Variants in DOCK2 observed in about 807,000 individuals in gnomAD.
DOCK2 encodes the protein dedicator of cytokinesis protein 2.
In DOCK2, 87 loss-of-function variants were observed where a neutral mutation model predicts 248.9. The observed-to-expected ratio is 0.35, with a 90% confidence interval of 0.29 to 0.42. DOCK2 has a LOEUF of 0.42. DOCK2 is among the 10% of genes least tolerant of loss of function. The probability of loss-of-function intolerance (pLI) is 1.00; values close to 1 mark genes in which losing one functional copy is unlikely to be tolerated. For missense variants in DOCK2, 1,747 were observed against 2,300.2 expected (o/e 0.76, Z 4.92); for synonymous variants, 805 against 821.6 (o/e 0.98, Z 0.35).
At chr5:169,844,807 G>A (rs1482095261) in intron 27 of DOCK2, among the ~76,000 whole-genome samples, 1 of 151,298 alleles carries the variant, frequency 6.6e-6, no homozygotes, top group African/African-American at 2.4e-5. Context: ...AGAGTTTAAG[G>A]CTTGTGCCTA....
intron 32 of DOCK2, among the ~76,000 whole-genome samples, chr5:170,009,716 A>G (rs1367479517): frequency 6.6e-6 from 1 of 152,028 alleles, no homozygotes; most frequent in Non-Finnish European, 1.5e-5. Context: ...ACCTCTTATT[A>G]TCTGCCAGTT....
chr5:169,856,675 C>G (rs184773929), intron 27 of DOCK2, among the ~76,000 whole-genome samples: 12 of 152,212 alleles, frequency 7.9e-5, no homozygotes, highest in African/African-American at 2.7e-4. Context: ...CTCCATCACC[C>G]ATCCGTGATT....
chr5:169,742,163 G>T (rs769537417), intron 22 of DOCK2, among the ~76,000 whole-genome samples: 3 of 152,048 alleles, frequency 2.0e-5, no homozygotes, highest in Non-Finnish European at 4.4e-5. Flanking sequence ...TGTAGTAAGT[G>T]CTCAGTAAAT....
chr5:170,082,678 A>C (rs1758075867), intron 51 of DOCK2, 118 bp from the exon 52 acceptor site: 1 of 1,287,852 alleles, frequency 7.8e-7, no homozygotes, highest in Non-Finnish European at 1.1e-6. Context: ...GCTCACATTC[A>C]CTGGGCTTTG....
At chr5:169,867,528 A>G (rs1353607253) in intron 27 of DOCK2, among the ~76,000 whole-genome samples, 1 of 151,676 alleles carries the variant, frequency 6.6e-6, no homozygotes, top group Non-Finnish European at 1.5e-5. Flanking sequence ...TCTATCATCT[A>G]TCATCTATCA....
At chr5:169,903,718 A>G (rs1774097842) in intron 27 of DOCK2, among the ~76,000 whole-genome samples, 2 of 152,122 alleles carry the variant, frequency 1.3e-5, no homozygotes, top group Non-Finnish European at 2.9e-5. Flanking sequence ...AAAAGAAGTA[A>G]GTTTGGAGAA....
At chr5:170,060,888 G>A (rs532790186) in intron 44 of DOCK2, among the ~76,000 whole-genome samples, 1 of 152,128 alleles carries the variant, frequency 6.6e-6, no homozygotes, top group African/African-American at 2.4e-5. Context: ...AAATTAGCTG[G>A]GCATGGTGGC....
chr5:169,703,875 A>G (rs1319946223), intron 14 of DOCK2: 1 of 152,242 alleles, frequency 6.6e-6, no homozygotes, highest in Non-Finnish European at 1.5e-5. Context: ...CTTCCCTGGT[A>G]GAGAACTTTT....
chr5:169,809,605 G>A (rs550995252), intron 26 of DOCK2, among the ~76,000 whole-genome samples: 10 of 152,164 alleles, frequency 6.6e-5, no homozygotes, highest in Admixed American at 2.6e-4. Context: ...TGTAACAGGA[G>A]GCTTTGAGTG....
intron 27 of DOCK2, among the ~76,000 whole-genome samples, chr5:169,872,206 G>A (rs1201592719): frequency 6.6e-6 from 1 of 152,192 alleles, no homozygotes; most frequent in Non-Finnish European, 1.5e-5. Flanking sequence ...GTGCACCACT[G>A]ATTTACTGAC....
chr5:169,925,577 CT>C (rs67317853), intron 27 of DOCK2, among the ~76,000 whole-genome samples: 26,249 of 60,892 alleles, frequency 0.43, 8,136 homozygotes, highest in African/African-American at 0.59. Flanking sequence ...AAGACTCTGT[CT>C]TAAAAAAAAA....
At chr5:169,668,053 T>C (rs1758832630) in intron 2 of DOCK2, among the ~76,000 whole-genome samples, 1 of 152,218 alleles carries the variant, frequency 6.6e-6, no homozygotes, top group South Asian at 2.1e-4. Flanking sequence ...TAGTTGCTTA[T>C]GTTGAAAACC....
intron 32 of DOCK2, among the ~76,000 whole-genome samples, chr5:170,011,422 G>A (rs1276988593): frequency 6.6e-6 from 1 of 152,148 alleles, no homozygotes; most frequent in African/African-American, 2.4e-5. Flanking sequence ...CCTGCTGTTA[G>A]CAAAAACCTG....
intron 19 of DOCK2, among the ~76,000 whole-genome samples, chr5:169,715,324 G>A (rs1430293618): frequency 6.6e-6 from 1 of 152,110 alleles, no homozygotes; most frequent in Non-Finnish European, 1.5e-5. Context: ...ATCTTTATAT[G>A]GTAGCTCTGT....
At chr5:169,676,208 C>G (rs1759327577) in intron 6 of DOCK2, among the ~76,000 whole-genome samples, 1 of 152,134 alleles carries the variant, frequency 6.6e-6, no homozygotes, top group Non-Finnish European at 1.5e-5. Flanking sequence ...CTTGAAGGCC[C>G]TGAGTAGTAA....
At position 169,712,169 on chromosome 5, in the gene DOCK2, G is replaced by A. The variant is rs776589227; in HGVS notation, c.1605G>A (p.Met535Ile). 10 of 1,613,988 alleles carry A rather than the reference G, an allele frequency of 6.2e-6. No homozygotes were observed. In the African/African-American group the frequency reaches 9.3e-5, roughly 15 times the overall value. ...TTGCCATGTCCTATGTGAAGCTGAT[G>A]AAAGAAGATGGGACTACTCTACACG... ...KNFAMSYVKLMKEDGTTLHDG... is the reference protein window; with the variant it reads ...KNFAMSYVKLIKEDGTTLHDG... The change falls in exon 17 of 52, where the codon ATG becomes ATA. Residue 535 changes from methionine (M) to isoleucine (I), a missense_variant. This residue lies in a region of DOCK2 where 858 missense variants were observed against 1,183.5 expected (regional missense o/e 0.72). Coordinates refer to ENST00000520908, the MANE Select transcript of DOCK2 (RefSeq NM_004946.3).
At chr5:169,780,700 G>A (rs952628386) in intron 25 of DOCK2, among the ~76,000 whole-genome samples, 2 of 152,152 alleles carry the variant, frequency 1.3e-5, no homozygotes, top group African/African-American at 4.8e-5. Flanking sequence ...AGGACCAGTT[G>A]CCTTCATTGA....
chr5:169,948,613 A>ATTTTTTTTTTTTTTTTTTTTTTTT lies in DOCK2; in HGVS notation c.2800-34438_2800-34437insTTTTTTTTTTTTTTTTTTTTTTTT, dbSNP rs772095719. 6.6e-5 allele frequency among the ~76,000 whole-genome samples: 9 copies of ATTTTTTTTTTTTTTTTTTTTTTTT among 135,942 alleles called. No individual in the cohort carries two copies. In the South Asian group the frequency reaches 2.0e-3, roughly 30 times the overall value. The allele number at this position is 135,942 out of a possible 152,430, so 89.2% of individuals were successfully genotyped here. A position where few individuals can be genotyped will look rare whatever the true frequency, so the allele number is the denominator to read the frequency against. ...TTCTTATTCCTTCCTTCCACAATTAATTTTTTTTTTTTTTTTTAGAGACAG... is the reference window on the plus strand; with the variant it reads ...TTCTTATTCCTTCCTTCCACAATTAATTTTTTTTTTTTTTTTTTTTTTTTTTTTTTTTTTTTTTTTTAGAGACAG... On this transcript the variant is annotated intron_variant, in intron 27 of 51. Coordinates refer to ENST00000520908, the MANE Select transcript of DOCK2 (RefSeq NM_004946.3).
intron 25 of DOCK2, among the ~76,000 whole-genome samples, chr5:169,769,013 T>C (rs1764947099): frequency 6.6e-6 from 1 of 152,196 alleles, no homozygotes; most frequent in Non-Finnish European, 1.5e-5. Context: ...ATTTAGTCCC[T>C]GGGGAAGCAA....
Sources: gnomAD v4.1 joint callset for allele counts (sites outside exome capture counted in the v4.1 genomes callset) on GRCh38, gnomAD v4.1.1 for gene constraint, gnomAD v4.1.1 regional missense constraint, MANE v1.5 for transcripts, NCBI Gene and HGNC (gene_info 2026-07-23, HGNC 2026-07-21) for gene names.